Variants in ZNF804B observed in about 807,000 individuals in gnomAD.
The protein encoded by ZNF804B is zinc finger protein 804B, also known as zinc finger 804B.
In ZNF804B, 80 loss-of-function variants were observed where a neutral mutation model predicts 101.4. That is an observed-to-expected ratio of 0.79 (90% CI 0.66 to 0.95). The LOEUF (loss-of-function observed/expected upper bound fraction) is 0.95. Among genes scored for constraint, ZNF804B ranks in the 40% least tolerant of loss-of-function variants. The probability of loss-of-function intolerance (pLI) is 0.00; values close to 1 mark genes in which losing one functional copy is unlikely to be tolerated. For missense variants in ZNF804B, 1,673 were observed against 1,561.9 expected (o/e 1.07, Z -1.20); for synonymous variants, 622 against 558.8 (o/e 1.11, Z -1.59).
chr7:89,030,194 T>C (rs1032427963), intron 1 of ZNF804B, among the ~76,000 whole-genome samples: 1 of 152,110 alleles, frequency 6.6e-6, no homozygotes, highest in South Asian at 2.1e-4. Flanking sequence ...AGGATCAGCC[T>C]GTGTGAAAAG....
At chr7:88,795,665 C>T (rs1246168108) in intron 1 of ZNF804B, 1 of 151,726 alleles carries the variant, frequency 6.6e-6, no homozygotes, top group Non-Finnish European at 1.5e-5. Flanking sequence ...TCCTGTGCTT[C>T]TGTCACGCAC....
intron 1 of ZNF804B, among the ~76,000 whole-genome samples, chr7:88,922,583 A>G (rs1792734539): frequency 6.6e-6 from 1 of 151,160 alleles, no homozygotes; most frequent in African/African-American, 2.4e-5. Flanking sequence ...ACTTATTTTA[A>G]TTGTAACTAA....
At chr7:88,766,344 T>C (rs1038836942) in intron 1 of ZNF804B, among the ~76,000 whole-genome samples, 2 of 152,206 alleles carry the variant, frequency 1.3e-5, no homozygotes, top group African/African-American at 4.8e-5. Context: ...AAAGGGGGTT[T>C]TGATTTGCTT....
At position 89,119,845 on chromosome 7, in the gene ZNF804B, C is replaced by T. The variant is rs369294741; in HGVS notation, c.109-98310C>T. Among the ~76,000 whole-genome samples the T allele has an allele frequency of 1.1e-4, 16 of 152,204 alleles. No homozygotes were observed. In the East Asian group the frequency reaches 2.5e-3, roughly 24 times the overall value. On this transcript the variant is annotated intron_variant, in intron 1 of 3. Coordinates refer to ENST00000333190, the MANE Select transcript of ZNF804B (RefSeq NM_181646.5). ...TTAAAAATACATAATTAAAAAAATA[C>T]GTGTTTTAAATGAGTTTCTATATTG...
intron 1 of ZNF804B, among the ~76,000 whole-genome samples, chr7:89,168,484 A>G (rs1791175429): frequency 6.6e-6 from 1 of 152,076 alleles, no homozygotes; most frequent in South Asian, 2.1e-4. Flanking sequence ...TTAAGAGCAA[A>G]CTTTATATTT....
At chr7:89,270,867 T>C (rs970037735) in intron 2 of ZNF804B, among the ~76,000 whole-genome samples, 14 of 152,178 alleles carry the variant, frequency 9.2e-5, no homozygotes, top group African/African-American at 2.2e-4. Context: ...GCTCTCTGTT[T>C]GTCTGTTATT....
chr7:89,125,031 G>GT (rs527257099), intron 1 of ZNF804B, among the ~76,000 whole-genome samples: 374 of 131,506 alleles, frequency 2.8e-3, no homozygotes, highest in Admixed American at 3.3e-3. Context: ...GACAATTGTT[G>GT]TTTTTTTTTT....
chr7:88,905,611 G>C (rs1792458313), intron 1 of ZNF804B, among the ~76,000 whole-genome samples: 1 of 152,074 alleles, frequency 6.6e-6, no homozygotes, highest in African/African-American at 2.4e-5. Flanking sequence ...TCTCCGCCTT[G>C]ACCTCCCAAG....
At chr7:88,783,213 T>A (rs1017595447) in intron 1 of ZNF804B, among the ~76,000 whole-genome samples, 1 of 152,166 alleles carries the variant, frequency 6.6e-6, no homozygotes, top group Admixed American at 6.6e-5. Flanking sequence ...GACTTATAAA[T>A]ACTTGAAGTT....
chr7:89,240,378 A>G (rs1789348738), intron 2 of ZNF804B, among the ~76,000 whole-genome samples: 2 of 151,724 alleles, frequency 1.3e-5, no homozygotes, highest in South Asian at 4.2e-4. Flanking sequence ...GGGTTTGTTC[A>G]TGTAAATCCC....
At chr7:88,870,400 A>AAAAAAAAAAAAAAAAAAGAAAG (rs781332488) in intron 1 of ZNF804B, among the ~76,000 whole-genome samples, 1 of 112,674 alleles carries the variant, frequency 8.9e-6, no homozygotes, top group Non-Finnish European at 1.8e-5. Flanking sequence ...AAAAAAAAAA[A>AAAAAAAAAAAAAAAAAAGAAAG]AAAAAAAGGT....
chr7:89,338,098 G>T lies in ZNF804B; in HGVS notation c.*1066G>T, dbSNP rs1314419346. On this transcript the variant is annotated 3_prime_UTR_variant, in exon 4 of 4. Coordinates refer to ENST00000333190, the MANE Select transcript of ZNF804B (RefSeq NM_181646.5). ...CAAACATTCATTCAAAATGGTTTTT[G>T]GCCGCCAAAATTTGCATTTCATACA... Among the ~76,000 whole-genome samples the T allele has an allele frequency of 2.0e-5, 3 of 151,964 alleles. No homozygotes were observed. The highest frequency in any genetic ancestry group is 6.6e-5 in the Admixed American group (1 of 15,248).
At chr7:89,031,287 C>T (rs1241475535) in intron 1 of ZNF804B, among the ~76,000 whole-genome samples, 1 of 151,252 alleles carries the variant, frequency 6.6e-6, no homozygotes, top group African/African-American at 2.4e-5. Context: ...CTTTCTCTGA[C>T]TATACCCACC....
intron 1 of ZNF804B, among the ~76,000 whole-genome samples, chr7:88,926,947 G>GGGGGT (rs1554346853): frequency 1.3e-4 from 19 of 150,042 alleles, no homozygotes; most frequent in Admixed American, 3.3e-4. Flanking sequence ...GGGGAGCGGG[G>GGGGGT]GGAAAGCTGT....
intron 2 of ZNF804B, among the ~76,000 whole-genome samples, chr7:89,269,834 A>G (rs148374487): frequency 0.042 from 6,398 of 152,172 alleles, 143 homozygotes; most frequent in Non-Finnish European, 0.049. Context: ...GTAAGTTTTC[A>G]TGTGTCTGTT....
chr7:88,816,607 A>G (rs1790882556), intron 1 of ZNF804B, among the ~76,000 whole-genome samples: 2 of 150,408 alleles, frequency 1.3e-5, no homozygotes, highest in Middle Eastern at 3.4e-3. Context: ...GAAGACATTT[A>G]TGCAGCCAAC....
intron 1 of ZNF804B, among the ~76,000 whole-genome samples, chr7:88,940,923 A>C (rs1162624781): frequency 6.6e-6 from 1 of 151,726 alleles, no homozygotes; most frequent in African/African-American, 2.4e-5. Context: ...TTAAAATTCA[A>C]CAATAAGAAA....
chr7:88,999,664 A>T (rs1788255858), intron 1 of ZNF804B, among the ~76,000 whole-genome samples: 1 of 152,038 alleles, frequency 6.6e-6, no homozygotes, highest in Non-Finnish European at 1.5e-5. Flanking sequence ...ATAGCATTTT[A>T]TGGAGAACAG....
intron 1 of ZNF804B, among the ~76,000 whole-genome samples, chr7:89,187,882 A>T (rs139164765): frequency 0.012 from 1,761 of 152,252 alleles, 37 homozygotes; most frequent in African/African-American, 0.04. Context: ...CCTCTTTTAG[A>T]GGTAGGAAAA....
Sources: gnomAD v4.1 joint callset for allele counts (sites outside exome capture counted in the v4.1 genomes callset) on GRCh38, gnomAD v4.1.1 for gene constraint, MANE v1.5 for transcripts, NCBI Gene and HGNC (gene_info 2026-07-23, HGNC 2026-07-21) for gene names.